MDGA2: variants seen among roughly 807,000 people sequenced by gnomAD.
MDGA2 encodes the protein MAM domain-containing glycosylphosphatidylinositol anchor protein 2.
Under a neutral mutation model 117.8 loss-of-function variants are expected in MDGA2, and 40 were observed. The ratio of observed to expected loss-of-function variants is 0.34; its 90% CI spans 0.26 to 0.44. MDGA2 has a LOEUF of 0.44. Among genes scored for constraint, MDGA2 ranks in the 20% least tolerant of loss-of-function variants. The probability of loss-of-function intolerance (pLI) is 1.00; values close to 1 mark genes in which losing one functional copy is unlikely to be tolerated. For synonymous variants in MDGA2, 452 were observed against 439.0 expected (o/e 1.03, Z -0.37); for missense variants, 1,123 against 1,250.6 (o/e 0.90, Z 1.54).
Position 47,174,472 on chromosome 14 carries a change from C to T in MDGA2, c.596-30198G>A, listed in dbSNP as rs570145599. Among the ~76,000 whole-genome samples the T allele has an allele frequency of 2.3e-4, 35 of 152,216 alleles. 1 individual carries two copies. In the South Asian group the frequency reaches 6.9e-3, roughly 30 times the overall value. On this transcript the variant is annotated intron_variant, in intron 3 of 16. Transcript: ENST00000399232. ...TCTCTCAGACCACAGTGCAATCAAA[C>T]TAGAACTCAGGATTAAGAAACTCAC...
At chr14:46,955,560 C>A (rs547350973) in intron 9 of MDGA2, among the ~76,000 whole-genome samples, 11 of 152,094 alleles carry the variant, frequency 7.2e-5, no homozygotes, top group African/African-American at 2.6e-4. Context: ...ATTTTCACAC[C>A]CCTTCTGACA....
chr14:46,997,599 T>G (rs778739776), intron 8 of MDGA2, among the ~76,000 whole-genome samples: 113 of 152,260 alleles, frequency 7.4e-4, no homozygotes, highest in East Asian at 1.5e-3. Flanking sequence ...CCTGCCTATT[T>G]GTGTTTCCCA....
chr14:47,073,722 G>A (rs1890379562), intron 6 of MDGA2, among the ~76,000 whole-genome samples: 1 of 152,158 alleles, frequency 6.6e-6, no homozygotes, highest in African/African-American at 2.4e-5. Context: ...ATAAAAGGAA[G>A]GCAGACAGTT....
intron 1 of MDGA2, among the ~76,000 whole-genome samples, chr14:47,410,552 A>G (rs1348618815): frequency 6.6e-6 from 1 of 152,132 alleles, no homozygotes; most frequent in South Asian, 2.1e-4. Context: ...AGCAACTATA[A>G]TCACTTACAT....
rs927356441 is a variant in MDGA2 at position 47,260,832 on chromosome 14, A to T, written c.420+40579T>A. 5.9e-5 allele frequency among the ~76,000 whole-genome samples: 9 copies of T among 152,148 alleles called. No individual in the cohort carries two copies. In the South Asian group the frequency reaches 1.0e-3, roughly 18 times the overall value. ...CCTTTGTAATATGTATCCCCTTTGT[A>T]CATAGTACGTTGTACTATGGTCAGT... On this transcript the variant is annotated intron_variant, in intron 2 of 16. Coordinates refer to ENST00000399232, the MANE Select transcript of MDGA2 (RefSeq NM_001113498.3).
intron 15 of MDGA2, among the ~76,000 whole-genome samples, chr14:46,846,355 T>C (rs1052066041): frequency 1.2e-4 from 19 of 152,154 alleles, no homozygotes; most frequent in Admixed American, 1.2e-3. Context: ...ATCTCTGACA[T>C]TGATTTCTCA....
At chr14:47,670,723 A>G (rs1441877911) in intron 1 of MDGA2, among the ~76,000 whole-genome samples, 1 of 152,198 alleles carries the variant, frequency 6.6e-6, no homozygotes, top group Non-Finnish European at 1.5e-5. Context: ...TGAAAAATAG[A>G]TACCAGTTCA....
At chr14:47,211,847 A>G (rs1444977115) in intron 3 of MDGA2, among the ~76,000 whole-genome samples, 1 of 152,212 alleles carries the variant, frequency 6.6e-6, no homozygotes, top group Non-Finnish European at 1.5e-5. Context: ...GGTCATTAGC[A>G]TATCATTCAC....
intron 5 of MDGA2, among the ~76,000 whole-genome samples, chr14:47,098,978 T>C (rs1259300424): frequency 6.6e-6 from 1 of 151,966 alleles, no homozygotes; most frequent in African/African-American, 2.4e-5. Flanking sequence ...AAGATCACTG[T>C]TCTAACTATA....
chr14:47,268,212 A>T (rs983612953), intron 2 of MDGA2, among the ~76,000 whole-genome samples: 2 of 151,798 alleles, frequency 1.3e-5, no homozygotes, highest in Non-Finnish European at 2.9e-5. Context: ...AGCTGGGGTT[A>T]CAGGCATGTG....
chr14:47,055,002 CTTTTTT>C lies in MDGA2; in HGVS notation c.1525+6241_1525+6246del, dbSNP rs10640408. Among the ~76,000 whole-genome samples, 692 of 125,672 alleles carry C rather than the reference CTTTTTT, an allele frequency of 5.5e-3. 3 individuals carry two copies. The highest frequency in any genetic ancestry group is 0.018 in the African/African-American group (600 of 33,102). 82.4% of individuals were successfully genotyped at this position (125,672 alleles called of 152,430 possible). A position where few individuals can be genotyped will look rare whatever the true frequency, so the allele number is the denominator to read the frequency against. ...CCGTTGTCCAATTTTTTTTTCTTTT[CTTTTTT>C]TTTTTTTTTTTCCAACAGATCTCAC... On this transcript the variant is annotated intron_variant, in intron 7 of 16. Coordinates refer to ENST00000399232, the MANE Select transcript of MDGA2 (RefSeq NM_001113498.3).
intron 1 of MDGA2, among the ~76,000 whole-genome samples, chr14:47,593,320 T>C (rs1441381513): frequency 6.6e-6 from 1 of 152,148 alleles, no homozygotes; most frequent in Non-Finnish European, 1.5e-5. Flanking sequence ...GAAGACAATG[T>C]GGCAATTCCT....
chr14:47,132,626 C>T (rs1286141449), intron 4 of MDGA2, among the ~76,000 whole-genome samples: 1 of 151,822 alleles, frequency 6.6e-6, no homozygotes, highest in African/African-American at 2.4e-5. Context: ...AACAACAAAA[C>T]GTAGTCTCCT....
intron 8 of MDGA2, among the ~76,000 whole-genome samples, chr14:46,963,983 C>A (rs1040715783): frequency 2.0e-5 from 3 of 152,198 alleles, no homozygotes; most frequent in African/African-American, 7.2e-5. Flanking sequence ...TCTGGATGGG[C>A]TCTGTGATTA....
At chr14:47,252,682 G>T in intron 2 of MDGA2, among the ~76,000 whole-genome samples, 1 of 152,294 alleles carries the variant, frequency 6.6e-6, no homozygotes, top group East Asian at 1.9e-4. Flanking sequence ...AAGCTTGACA[G>T]ATATGAAAAT....
At chr14:47,481,548 A>G (rs1893954417) in intron 1 of MDGA2, among the ~76,000 whole-genome samples, 1 of 151,952 alleles carries the variant, frequency 6.6e-6, no homozygotes, top group Non-Finnish European at 1.5e-5. Context: ...AAAATATCCA[A>G]TCTTTGCCTA....
chr14:46,915,699 C>T (rs1421736161), intron 10 of MDGA2, among the ~76,000 whole-genome samples: 1 of 152,148 alleles, frequency 6.6e-6, no homozygotes, highest in Non-Finnish European at 1.5e-5. Flanking sequence ...GTCACGCCTG[C>T]TTCCACTCAA....
intron 1 of MDGA2, among the ~76,000 whole-genome samples, chr14:47,479,013 A>C (rs1893899054): frequency 6.6e-6 from 1 of 152,240 alleles, no homozygotes; most frequent in Non-Finnish European, 1.5e-5. Flanking sequence ...TCCGAGAGTA[A>C]CAGTAGCAGA....
intron 1 of MDGA2, among the ~76,000 whole-genome samples, chr14:47,394,628 G>A (rs1230726796): frequency 2.0e-5 from 3 of 152,112 alleles, no homozygotes; most frequent in African/African-American, 7.2e-5. Flanking sequence ...TAGTATACAT[G>A]CCTCTCTATA....
Sources: allele counts gnomAD v4.1 joint callset (sites outside exome capture counted in the v4.1 genomes callset), GRCh38; gene constraint gnomAD v4.1.1; transcripts MANE v1.5; gene names NCBI Gene and HGNC (gene_info 2026-07-23, HGNC 2026-07-21).